The following PAK4 variants were observed in gnomAD, a reference collection of about 807,000 sequenced individuals.
PAK4 encodes p21 (RAC1) activated kinase 4, also known as serine/threonine-protein kinase PAK 4.
PAK4 carries 49 observed loss-of-function variants against 53.5 expected under a neutral mutation model. The ratio of observed to expected loss-of-function variants is 0.92; its 90% CI spans 0.73 to 1.16. The LOEUF is 1.16. Ranked by LOEUF, PAK4 falls within the 50% of genes most tolerant of loss-of-function variation. PAK4 has a pLI of 0.00. For synonymous variants in PAK4, 376 were observed against 375.6 expected (o/e 1.00, Z -0.01); for missense variants, 824 against 850.7 (o/e 0.97, Z 0.39).
At chr19:39,162,884 T>A (rs2074307919) in intron 1 of PAK4, among the ~76,000 whole-genome samples, 1 of 152,034 alleles carries the variant, frequency 6.6e-6, no homozygotes, top group Non-Finnish European at 1.5e-5. Context: ...AGGCAGACTC[T>A]GGGGATGTGT....
intron 2 of PAK4, among the ~76,000 whole-genome samples, chr19:39,172,629 C>T (rs1358279749): frequency 1.3e-5 from 2 of 152,170 alleles, no homozygotes; most frequent in Non-Finnish European, 2.9e-5. Flanking sequence ...CAGGACTATT[C>T]CACCAGTGTG....
At chr19:39,144,520 C>T (rs1183789485) in intron 1 of PAK4, among the ~76,000 whole-genome samples, 1 of 152,196 alleles carries the variant, frequency 6.6e-6, no homozygotes, top group Non-Finnish European at 1.5e-5. Context: ...GCTGTGGTGC[C>T]CCAGGGCAGG....
chr19:39,146,384 G>A (rs2145169157), intron 1 of PAK4, among the ~76,000 whole-genome samples: 1 of 152,356 alleles, frequency 6.6e-6, no homozygotes, highest in South Asian at 2.1e-4. Flanking sequence ...GCCTGAAAGA[G>A]GAGCAGGGTT....
chr19:39,169,756 A>G (rs777383162), exon 2 of PAK4: 38 of 1,595,116 alleles, frequency 2.4e-5, no homozygotes, highest in Non-Finnish European at 3.1e-5. Flanking sequence ...GGGGCCCCCA[A>G]GGTATGTGGC....
intron 1 of PAK4, among the ~76,000 whole-genome samples, chr19:39,158,044 G>A (rs1227664674): frequency 1.3e-5 from 2 of 151,570 alleles, no homozygotes; most frequent in East Asian, 1.9e-4. Context: ...ATGTATGTGA[G>A]CATGTATTTG....
chr19:39,173,751 C>T lies in PAK4; in HGVS notation c.839C>T (p.Ala280Val), dbSNP rs1478020460. ...GCCCCTCCAGCCTGCACCCCCGCCGCCCCTGCTGTTCCTGGGCCCCCTGGC... is the reference window on the plus strand; with the variant it reads ...GCCCCTCCAGCCTGCACCCCCGCCGTCCCTGCTGTTCCTGGGCCCCCTGGC... The change falls in exon 4 of 9, where the codon GCC becomes GTC. Residue 280 changes from alanine to valine, a missense_variant. Ala to Val is a moderately conservative substitution (Grantham distance 64). This residue lies in a region of PAK4 where 478 missense variants were observed against 435.8 expected (regional missense o/e 1.10). Transcript: ENST00000358301. The surrounding 1 kb of genome is among the most constrained non-coding windows in gnomAD (Gnocchi z 6.9). 6.3e-7 allele frequency: 1 copy of T among 1,583,710 alleles called. No individual in the cohort carries two copies. Among genetic ancestry groups the T allele is most frequent in the Non-Finnish European group, 8.6e-7 (1 of 1,167,316 alleles).
intron 1 of PAK4, among the ~76,000 whole-genome samples, chr19:39,138,104 C>T (rs960609056): frequency 6.6e-6 from 1 of 151,992 alleles, no homozygotes; most frequent in African/African-American, 2.4e-5. Context: ...TCCTCAGCCT[C>T]AGTAGCTGGG....
intron 1 of PAK4, among the ~76,000 whole-genome samples, chr19:39,155,694 A>G (rs367871059): frequency 3.9e-5 from 6 of 152,202 alleles, no homozygotes; most frequent in African/African-American, 1.2e-4. Flanking sequence ...CATCAGCCTC[A>G]TGCTTGGAGC....
chr19:39,165,346 C>CA (rs59682991), intron 1 of PAK4, among the ~76,000 whole-genome samples: 41,756 of 92,566 alleles, frequency 0.45, 7,575 homozygotes, highest in Middle Eastern at 0.55. Flanking sequence ...ACTAAAAATA[C>CA]AAAAAAAAAA....
chr19:39,135,247 C>T (rs1488298762), intron 1 of PAK4: 1 of 151,480 alleles, frequency 6.6e-6, no homozygotes, highest in Non-Finnish European at 1.5e-5. Flanking sequence ...CTGAGCCCCT[C>T]ATGTTATTTT....
intron 1 of PAK4, among the ~76,000 whole-genome samples, chr19:39,162,219 C>T (rs1442185204): frequency 2.0e-5 from 3 of 152,108 alleles, no homozygotes; most frequent in Non-Finnish European, 2.9e-5. Flanking sequence ...CCTTGGCCTC[C>T]AAAAGTTCTG....
At chr19:39,142,094 A>C (rs985423873) in intron 1 of PAK4, among the ~76,000 whole-genome samples, 1 of 152,156 alleles carries the variant, frequency 6.6e-6, no homozygotes, top group African/African-American at 2.4e-5. Context: ...CTCCCGCCTC[A>C]GTCTCCTGAA....
At chr19:39,132,583 A>G (rs73930290) in intron 1 of PAK4, among the ~76,000 whole-genome samples, 2,893 of 152,354 alleles carry the variant, frequency 0.019, 97 homozygotes, top group African/African-American at 0.067. Flanking sequence ...GCTGATGGCC[A>G]TCAGGCCATT....
In PAK4 at chr19:39,172,237, G is replaced by A. The variant is rs528014662; in HGVS notation, c.205-681G>A. Among the ~76,000 whole-genome samples the A allele has an allele frequency of 8.5e-5, 13 of 152,148 alleles. No individual in the cohort carries two copies. In the East Asian group the frequency reaches 2.1e-3, roughly 25 times the overall value. On this transcript the variant is annotated intron_variant, in intron 2 of 8. Transcript: ENST00000358301. Reference sequence around the variant, plus strand: ...CCTGGGCGCAGGGGGGCGGGGGTGGGGGAGACACCCGTGTGTCTGGAAATG... The same window carrying A: ...CCTGGGCGCAGGGGGGCGGGGGTGGAGGAGACACCCGTGTGTCTGGAAATG...
intron 1 of PAK4, among the ~76,000 whole-genome samples, chr19:39,155,141 C>G (rs2074157141): frequency 6.6e-6 from 1 of 152,192 alleles, no homozygotes; most frequent in Admixed American, 6.5e-5. Context: ...TCACCATGGC[C>G]TGGGTGCCCA....
At chr19:39,174,733 C>T (rs1568529890) in intron 4 of PAK4, among the ~76,000 whole-genome samples, 198 bp from the exon 6 acceptor site, 2 of 152,164 alleles carry the variant, frequency 1.3e-5, no homozygotes, top group Non-Finnish European at 2.9e-5. Context: ...GGGGGGCGCG[C>T]CCCCAGAAGG....
intron 1 of PAK4, among the ~76,000 whole-genome samples, chr19:39,139,313 C>T (rs2073872474): frequency 6.6e-6 from 1 of 152,214 alleles, no homozygotes; most frequent in African/African-American, 2.4e-5. Context: ...GCAACTCCTG[C>T]AGACACTGAG....
chr19:39,171,559 C>A (rs1029123186), intron 2 of PAK4, among the ~76,000 whole-genome samples: 10 of 152,206 alleles, frequency 6.6e-5, no homozygotes, highest in African/African-American at 2.4e-4. Flanking sequence ...CTTCCTGGGG[C>A]CCCTGGGCAA....
chr19:39,141,129 C>T (rs755961835), intron 1 of PAK4, among the ~76,000 whole-genome samples: 10 of 152,110 alleles, frequency 6.6e-5, no homozygotes, highest in South Asian at 2.1e-4. Context: ...AATAGTCTCG[C>T]GCCCTCCTGG....
Sources: gnomAD v4.1 joint callset for allele counts (sites outside exome capture counted in the v4.1 genomes callset) on GRCh38, gnomAD v4.1.1 for gene constraint, gnomAD v4.1.1 regional missense constraint, Gnocchi (gnomAD v3.1) non-coding constraint, MANE v1.5 for transcripts, NCBI Gene and HGNC (gene_info 2026-07-23, HGNC 2026-07-21) for gene names.